KLF7: variants seen among roughly 807,000 people sequenced by gnomAD.
The protein encoded by KLF7 is KLF transcription factor 7.
KLF7 carries 2 observed loss-of-function variants against 27.3 expected under a neutral mutation model. The observed-to-expected ratio is 0.07, with a 90% CI of 0.03 to 0.23. The LOEUF is 0.23. KLF7 is among the 10% of genes least tolerant of loss of function. KLF7 has a pLI of 1.00. For synonymous variants in KLF7, 165 were observed against 162.4 expected (o/e 1.02, Z -0.12); for missense variants, 221 against 394.1 (o/e 0.56, Z 3.72).
At chr2:207,136,104 C>T (rs2077778244) in intron 1 of KLF7, among the ~76,000 whole-genome samples, 1 of 152,152 alleles carries the variant, frequency 6.6e-6, no homozygotes, top group African/African-American at 2.4e-5. Context: ...TCAGGTTCAG[C>T]GCCTGCCTTT....
intron 2 of KLF7, among the ~76,000 whole-genome samples, chr2:207,103,381 G>A (rs933466466): frequency 6.6e-6 from 1 of 152,196 alleles, no homozygotes; most frequent in African/African-American, 2.4e-5. Flanking sequence ...CTAGGGATAG[G>A]TGACCAACAG....
At chr2:207,129,704 T>A (rs1460638063) in intron 1 of KLF7, among the ~76,000 whole-genome samples, 1 of 151,568 alleles carries the variant, frequency 6.6e-6, no homozygotes, top group Non-Finnish European at 1.5e-5. Flanking sequence ...ACTACATCTA[T>A]GATAATTTTC....
chr2:207,134,033 C>A (rs2077712113), intron 1 of KLF7: 1 of 1,511,108 alleles, frequency 6.6e-7, no homozygotes, highest in African/African-American at 1.4e-5. Context: ...ACTCACACAC[C>A]CTCCTCAAAC....
At chr2:207,161,223 T>A (rs576074913) in intron 1 of KLF7, among the ~76,000 whole-genome samples, 58 of 152,340 alleles carry the variant, frequency 3.8e-4, no homozygotes, top group Middle Eastern at 3.4e-3. Flanking sequence ...TTACATCTAT[T>A]TAGTGATTGC....
upstream of KLF7, chr2:207,166,206 G>A (rs2078703195): frequency 8.1e-6 from 8 of 985,048 alleles, no homozygotes; most frequent in Non-Finnish European, 9.6e-6. Flanking sequence ...AGGTAAACAG[G>A]GGGCTCATGA....
At position 207,087,600 on chromosome 2, in the gene KLF7, C is replaced by T. The variant is rs71429756; in HGVS notation, c.857+858G>A. Among the ~76,000 whole-genome samples the T allele has an allele frequency of 7.0e-4, 107 of 152,244 alleles. 1 individual carries two copies. Among genetic ancestry groups the T allele is most frequent in the Non-Finnish European group, 1.4e-3 (92 of 68,020 alleles). Reference sequence around the variant, plus strand: ...TTAGAAGCATTTTTCTCATCATAACCGAGACCTTTAGTATTGCATTAAAAA... The same window carrying T: ...TTAGAAGCATTTTTCTCATCATAACTGAGACCTTTAGTATTGCATTAAAAA... On this transcript the variant is annotated intron_variant, in intron 3 of 3. Coordinates refer to ENST00000309446, the MANE Select transcript of KLF7 (RefSeq NM_003709.4).
At chr2:207,152,291 A>ACGCG (rs1469424580) in intron 1 of KLF7, among the ~76,000 whole-genome samples, 8 of 10,302 alleles carry the variant, frequency 7.8e-4, no homozygotes, top group African/African-American at 8.1e-4. Flanking sequence ...ACACACACAC[A>ACGCG]CACACACACA....
At chr2:207,092,606 G>A (rs1160655965) in intron 2 of KLF7, among the ~76,000 whole-genome samples, 4 of 152,176 alleles carry the variant, frequency 2.6e-5, no homozygotes, top group Non-Finnish European at 5.9e-5. Context: ...GTTAAATCAC[G>A]TCAAGAACTC....
At chr2:207,147,799 C>G (rs549721941) in intron 1 of KLF7, among the ~76,000 whole-genome samples, 1 of 152,154 alleles carries the variant, frequency 6.6e-6, no homozygotes, top group Non-Finnish European at 1.5e-5. Context: ...CACGATATGC[C>G]GGATACTAAC....
rs543326008 is a variant in KLF7, at chr2:207,127,123, GCA to G, written c.103-2721_103-2720del. Among the ~76,000 whole-genome samples, 13 of 151,782 alleles carry G rather than the reference GCA, an allele frequency of 8.6e-5. No individual in the cohort carries two copies. The South Asian group carries it at 2.5e-3, about 30-fold the overall frequency. On this transcript the variant is annotated intron_variant, in intron 1 of 3. Coordinates refer to ENST00000309446, the MANE Select transcript of KLF7 (RefSeq NM_003709.4). ...GTATGCCCTGGTGTGAACTGCAGGAGCACATGAGTCATATTTATGATCTAAAG... is the reference window on the plus strand; with the variant it reads ...GTATGCCCTGGTGTGAACTGCAGGAGCATGAGTCATATTTATGATCTAAAG...
At chr2:207,097,917 C>T (rs1267035321) in intron 2 of KLF7, among the ~76,000 whole-genome samples, 3 of 152,044 alleles carry the variant, frequency 2.0e-5, no homozygotes, top group Admixed American at 2.0e-4. Flanking sequence ...GTTTAGCCAA[C>T]AAACACCACT....
At chr2:207,149,196 A>C (rs1307405242) in intron 1 of KLF7, 2 of 1,278,988 alleles carry the variant, frequency 1.6e-6, no homozygotes, top group Non-Finnish European at 2.0e-6. Flanking sequence ...ATCTTCAATA[A>C]TTTTCTGAGG....
At chr2:207,145,745 C>T (rs1559159625) in intron 1 of KLF7, among the ~76,000 whole-genome samples, 2 of 152,096 alleles carry the variant, frequency 1.3e-5, no homozygotes, top group Non-Finnish European at 2.9e-5. Flanking sequence ...CTTCCAGGTC[C>T]ACCTCTAGAC....
At chr2:207,100,152 C>A (rs969276734) in intron 2 of KLF7, among the ~76,000 whole-genome samples, 2 of 130,172 alleles carry the variant, frequency 1.5e-5, no homozygotes, top group East Asian at 4.4e-4. Flanking sequence ...AAAGAAGAGC[C>A]CAAATTAGAT....
At chr2:207,150,472 C>T (rs1047224725) in intron 1 of KLF7, among the ~76,000 whole-genome samples, 9 of 152,056 alleles carry the variant, frequency 5.9e-5, no homozygotes, top group Non-Finnish European at 1.0e-4. Flanking sequence ...CAACAAGAAG[C>T]GATAGTTTAA....
At chr2:207,166,827 G>A (rs568413020), upstream of KLF7, 6 of 1,021,098 alleles carry the variant, frequency 5.9e-6, no homozygotes, top group South Asian at 9.1e-5. Flanking sequence ...GTGCAGAGAA[G>A]AAGCGCCTGA....
intron 2 of KLF7, among the ~76,000 whole-genome samples, chr2:207,100,808 C>A (rs1057453872): frequency 6.6e-6 from 1 of 152,212 alleles, no homozygotes. Flanking sequence ...TCTCCCCACA[C>A]ACATTAAATG....
chr2:207,167,204 T>G, upstream of KLF7: 1 of 1,351,720 alleles, frequency 7.4e-7, no homozygotes, highest in Non-Finnish European at 9.6e-7. Flanking sequence ...GATTTCTCGT[T>G]TTCTGGAGTT....
intron 1 of KLF7, among the ~76,000 whole-genome samples, chr2:207,126,654 T>C (rs1398975242): frequency 6.6e-6 from 1 of 152,010 alleles, no homozygotes; most frequent in Non-Finnish European, 1.5e-5. Context: ...TAAAAGAAAA[T>C]TTGCCGGGCG....
Sources: gnomAD v4.1 joint callset for allele counts (sites outside exome capture counted in the v4.1 genomes callset) on GRCh38, gnomAD v4.1.1 for gene constraint, MANE v1.5 for transcripts, NCBI Gene and HGNC (gene_info 2026-07-23, HGNC 2026-07-21) for gene names.